PPP1R16A: variants seen among roughly 807,000 people sequenced by gnomAD.
The protein encoded by PPP1R16A is protein phosphatase 1 regulatory subunit 16A, also known as myosin phosphatase-targeting subunit 3.
A neutral mutation model predicts 46.6 loss-of-function variants in PPP1R16A; 39 were observed. The observed-to-expected ratio is 0.84, with a 90% CI of 0.65 to 1.09. PPP1R16A has a LOEUF of 1.09. Among genes scored for constraint, PPP1R16A ranks in the 50% least tolerant of loss-of-function variants. PPP1R16A has a pLI of 0.00. For missense variants in PPP1R16A, 798 were observed against 735.6 expected (o/e 1.08, Z -0.98); for synonymous variants, 413 against 321.5 (o/e 1.28, Z -3.04).
chr8:144,496,247 T>C (rs1185138088), intron 2 of PPP1R16A: 2 of 152,234 alleles, frequency 1.3e-5, no homozygotes, highest in African/African-American at 4.8e-5. Flanking sequence ...CCCGCCCCTC[T>C]CTGAACCTGG....
At chr8:144,486,703 G>A (rs1243508699) in intron 1 of PPP1R16A, among the ~76,000 whole-genome samples, 2 of 152,126 alleles carry the variant, frequency 1.3e-5, no homozygotes, top group Non-Finnish European at 2.9e-5. Context: ...TAATTGGATC[G>A]TTTCATTTTT....
rs200210137 is a variant in PPP1R16A, at chr8:144,497,241, G to A, written c.47G>A (p.Arg16Lys). The change falls in exon 3 of 12, where the codon AGG (arginine) becomes AAG (lysine). Residue 16 changes from arginine to lysine, a missense_variant. Transcript: ENST00000435887. ...ELLAEMPMVG[R>K]MSTQERLKHA... is the part of the protein sequence containing the mutation. ...CTGGCAGAGATGCCCATGGTGGGCA[G>A]GATGAGCACACAGGAGCGGCTGAAG... The A allele has an allele frequency of 1.2e-4, 186 of 1,604,800 alleles. No individual in the cohort carries two copies. The highest frequency in any genetic ancestry group is 7.3e-5 in the Non-Finnish European group (86 of 1,176,766).
chr8:144,492,164 G>C (rs2130346917), intron 2 of PPP1R16A, among the ~76,000 whole-genome samples: 1 of 152,288 alleles, frequency 6.6e-6, no homozygotes, highest in East Asian at 1.9e-4. Flanking sequence ...TGACCGCCCA[G>C]ATGCCACCCG....
intron 1 of PPP1R16A, among the ~76,000 whole-genome samples, chr8:144,481,232 A>C (rs1035101912): frequency 6.6e-6 from 1 of 152,128 alleles, no homozygotes; most frequent in African/African-American, 2.4e-5. Context: ...CAAATATAAA[A>C]CATTTCCGTT....
At chr8:144,497,954 G>A (rs563771252) in intron 3 of PPP1R16A, 62 of 441,108 alleles carry the variant, frequency 1.4e-4, no homozygotes, top group African/African-American at 1.2e-3. Flanking sequence ...CCTAGGCTCT[G>A]CTTGTGACTC....
At position 144,501,960 on chromosome 8, in the gene PPP1R16A, C is replaced by A. The variant is rs758379646; in HGVS notation, c.*57C>A. 1.2e-5 allele frequency: 17 copies of A among 1,453,220 alleles called. No individual in the cohort carries two copies. Among genetic ancestry groups the A allele is most frequent in the Non-Finnish European group, 1.5e-5 (16 of 1,103,304 alleles). The allele number at this position is 1,453,220 out of a possible 1,614,324, so 90.0% of individuals were successfully genotyped here. On this transcript the variant is annotated 3_prime_UTR_variant, in exon 12 of 12. Transcript: ENST00000435887. ...CGGGCACAGCCCAAGGCTGCCTCCC[C>A]ACGGTGCGTGCCCTGGTGCTGCGGG...
At position 144,500,132 on chromosome 8, in the gene PPP1R16A, C is replaced by G. The variant is rs762756638; in HGVS notation, c.513C>G (p.Asn171Lys). Residue 171 changes from asparagine to lysine, a missense_variant, in exon 6 of 12, where the codon AAC becomes AAG. Asn to Lys is a moderately conservative substitution (Grantham distance 94). Coordinates refer to ENST00000435887, the MANE Select transcript of PPP1R16A (RefSeq NM_001329443.2). Reference sequence around the variant, plus strand: ...TCCTGGCGGTCAACACCGACGGGAACATGCCCTATGACCTGTGTGATGATG... The same window carrying G: ...TCCTGGCGGTCAACACCGACGGGAAGATGCCCTATGACCTGTGTGATGATG... Reference protein sequence around the residue: ...ANLLAVNTDGNMPYDLCDDEQ... With the variant: ...ANLLAVNTDGKMPYDLCDDEQ... The G allele has an allele frequency of 1.2e-6, 2 of 1,612,166 alleles. No individual in the cohort carries two copies. Among genetic ancestry groups the G allele is most frequent in the Non-Finnish European group, 1.7e-6 (2 of 1,179,320 alleles).
At chr8:144,495,163 G>T (rs958563029) in intron 2 of PPP1R16A, among the ~76,000 whole-genome samples, 3 of 152,178 alleles carry the variant, frequency 2.0e-5, no homozygotes, top group African/African-American at 4.8e-5. Context: ...TAGGCCTACA[G>T]GGGGGGACTA....
chr8:144,481,778 T>C (rs113031442), intron 1 of PPP1R16A, among the ~76,000 whole-genome samples: 3,863 of 152,300 alleles, frequency 0.025, 153 homozygotes, highest in African/African-American at 0.089. Flanking sequence ...CTTTTTCTTT[T>C]TTCTTTTTTG....
chr8:144,480,685 C>G (rs1825376040), intron 1 of PPP1R16A, among the ~76,000 whole-genome samples: 1 of 151,726 alleles, frequency 6.6e-6, no homozygotes, highest in African/African-American at 2.4e-5. Flanking sequence ...GGGATTTCAC[C>G]GTGTTGGCCA....
In PPP1R16A at chr8:144,493,042, TAG is replaced by T. The variant is rs1825880435; in HGVS notation, c.-735+2835_-735+2836del. Among the ~76,000 whole-genome samples the T allele has an allele frequency of 6.6e-6, 1 of 151,644 alleles. No homozygotes were observed. Among genetic ancestry groups the T allele is most frequent in the South Asian group, 2.1e-4 (1 of 4,782 alleles). ...CAGGTGCCTGAGGCAGTGATGGGAG[TAG>T]AGAGGGCACTGAGGCTCTCGGGCCT... On this transcript the variant is annotated intron_variant, in intron 2 of 11. Transcript: ENST00000435887. The surrounding 1 kb of genome is among the most constrained non-coding windows in gnomAD (Gnocchi z 4.3).
At chr8:144,483,372 C>T (rs1825515367) in intron 1 of PPP1R16A, among the ~76,000 whole-genome samples, 1 of 152,128 alleles carries the variant, frequency 6.6e-6, no homozygotes, top group African/African-American at 2.4e-5. Flanking sequence ...CTTTGTCATC[C>T]TATGTGTTGT....
chr8:144,482,307 C>G (rs932467353), intron 1 of PPP1R16A, among the ~76,000 whole-genome samples: 73 of 152,216 alleles, frequency 4.8e-4, no homozygotes, highest in African/African-American at 1.6e-3. Flanking sequence ...ATCTGCCTGC[C>G]TCAGCCTCCC....
At chr8:144,478,436 G>A in intron 1 of PPP1R16A, 1 of 289,156 alleles carries the variant, frequency 3.5e-6, no homozygotes, top group Non-Finnish European at 6.4e-6. Flanking sequence ...TGCTGGCTGA[G>A]GCCCAGGGCA....
In PPP1R16A at chr8:144,499,059, C is replaced by T. The variant is rs755228646; in HGVS notation, c.474C>T (p.Ala158=). The change falls in exon 5 of 12, where the codon GCC becomes GCT. Residue 158 remains alanine (A), a splice_region_variant and synonymous_variant. Transcript: ENST00000435887. ...GHLHLVELLI[A]SGANLLAVNT... is the part of the protein sequence containing the mutation. ...TGCACCTGGTGGAGCTGCTCATCGC[C>T]AGGTAGGGCCTGTTGGGCGTCCTTG... 8 of 1,574,618 alleles carry T rather than the reference C, an allele frequency of 5.1e-6. 1 individual carries two copies. In the East Asian group the frequency reaches 1.1e-4, roughly 22 times the overall value.
intron 2 of PPP1R16A, among the ~76,000 whole-genome samples, chr8:144,495,127 C>T (rs1329802900): frequency 6.6e-6 from 1 of 152,220 alleles, no homozygotes; most frequent in Non-Finnish European, 1.5e-5. Context: ...GCCTTATTGG[C>T]CGTGTCCTCA....
In PPP1R16A at chr8:144,496,884, C is replaced by T. The variant is rs1826093114; in HGVS notation, c.-311C>T. ...GCCGGCCAGGTCTCGGGGCTGCCTC[C>T]CATAGGTTGTGCACCCTGACCCCGA... On this transcript the variant is annotated 5_prime_UTR_variant, in exon 3 of 12. Coordinates refer to ENST00000435887, the MANE Select transcript of PPP1R16A (RefSeq NM_001329443.2). 2 of 513,904 alleles carry T rather than the reference C, an allele frequency of 3.9e-6. No individual in the cohort carries two copies. The highest frequency in any genetic ancestry group is 3.5e-6 in the Non-Finnish European group (1 of 281,874). 31.8% of individuals were successfully genotyped at this position (513,904 alleles called of 1,614,324 possible). A position where few individuals can be genotyped will look rare whatever the true frequency, so the allele number is the denominator to read the frequency against.
At chr8:144,495,073 A>G (rs1825992820) in intron 2 of PPP1R16A, among the ~76,000 whole-genome samples, 1 of 152,184 alleles carries the variant, frequency 6.6e-6, no homozygotes, top group African/African-American at 2.4e-5. Context: ...ACTGCCTGGA[A>G]AAGCTCTTTA....
At chr8:144,481,837 G>T (rs892563709) in intron 1 of PPP1R16A, among the ~76,000 whole-genome samples, 18 of 152,134 alleles carry the variant, frequency 1.2e-4, no homozygotes, top group Non-Finnish European at 2.2e-4. Context: ...GAGTGCAGTG[G>T]CACGATCTTG....
Sources: allele counts gnomAD v4.1 joint callset (sites outside exome capture counted in the v4.1 genomes callset), GRCh38; gene constraint gnomAD v4.1.1; non-coding constraint Gnocchi (gnomAD v3.1); transcripts MANE v1.5; gene names NCBI Gene and HGNC (gene_info 2026-07-23, HGNC 2026-07-21).